VAV3: variants seen among roughly 807,000 people sequenced by gnomAD.
VAV3 encodes guanine nucleotide exchange factor VAV3.
A neutral mutation model predicts 131.2 loss-of-function variants in VAV3; 94 were observed. The ratio of observed to expected loss-of-function variants is 0.72; its 90% CI spans 0.61 to 0.85. The LOEUF (loss-of-function observed/expected upper bound fraction) is 0.85, where lower values mean the gene tolerates loss of function less well. VAV3 is among the 40% of genes least tolerant of loss of function. The pLI, the probability that VAV3 is intolerant of heterozygous loss-of-function variation, is 0.00. For synonymous variants in VAV3, 349 were observed against 342.0 expected (o/e 1.02, Z -0.22); for missense variants, 939 against 1,002.7 (o/e 0.94, Z 0.86).
chr1:107,904,069 G>T (rs937216199), intron 1 of VAV3, among the ~76,000 whole-genome samples: 2 of 151,948 alleles, frequency 1.3e-5, no homozygotes, highest in East Asian at 1.9e-4. Context: ...TCCACCTTAC[G>T]TGCTCCATCA....
At chr1:107,846,164 A>G (rs1023783209) in intron 2 of VAV3, among the ~76,000 whole-genome samples, 21 of 152,194 alleles carry the variant, frequency 1.4e-4, no homozygotes, top group Admixed American at 3.3e-4. Context: ...TAAAGAAAAG[A>G]ATTTTCAACC....
At chr1:107,905,117 T>C in intron 1 of VAV3, among the ~76,000 whole-genome samples, 1 of 152,210 alleles carries the variant, frequency 6.6e-6, no homozygotes, top group Non-Finnish European at 1.5e-5. Context: ...TGTTATAAAA[T>C]GTATACAAGT....
chr1:107,624,259 C>G (rs567371482), intron 20 of VAV3, among the ~76,000 whole-genome samples: 28 of 152,172 alleles, frequency 1.8e-4, no homozygotes, highest in African/African-American at 5.1e-4. Flanking sequence ...GGTGAGGTCC[C>G]TGTGTTTCTG....
chr1:107,811,938 C>T (rs1378180767), intron 2 of VAV3, among the ~76,000 whole-genome samples: 1 of 152,082 alleles, frequency 6.6e-6, no homozygotes, highest in Non-Finnish European at 1.5e-5. Context: ...CAAGTTGCAA[C>T]AGGCAGCCAT....
chr1:107,689,153 G>C (rs1659244030), intron 17 of VAV3, among the ~76,000 whole-genome samples: 1 of 152,080 alleles, frequency 6.6e-6, no homozygotes, highest in South Asian at 2.1e-4. Context: ...AAAACTGGTG[G>C]GCAGCATCTT....
intron 12 of VAV3, among the ~76,000 whole-genome samples, chr1:107,754,030 G>C (rs1353568170): frequency 6.6e-6 from 1 of 152,172 alleles, no homozygotes; most frequent in African/African-American, 2.4e-5. Context: ...TAGGCTCTGA[G>C]ATTACAATTG....
chr1:107,663,230 T>C (rs1255173463), intron 19 of VAV3, among the ~76,000 whole-genome samples: 2 of 152,200 alleles, frequency 1.3e-5, no homozygotes, highest in African/African-American at 4.8e-5. Context: ...TTTGCAGATA[T>C]TCAAATGGAA....
chr1:107,599,559 T>C (rs992057318), intron 24 of VAV3, among the ~76,000 whole-genome samples: 1 of 152,064 alleles, frequency 6.6e-6, no homozygotes, highest in Non-Finnish European at 1.5e-5. Context: ...ACATGAAAAT[T>C]AGAACAAAAT....
intron 1 of VAV3, among the ~76,000 whole-genome samples, chr1:107,888,574 T>A (rs1226098866): frequency 6.6e-6 from 1 of 152,178 alleles, no homozygotes; most frequent in Non-Finnish European, 1.5e-5. Context: ...TTCTCCTGCC[T>A]CAGACTCCCA....
intron 1 of VAV3, among the ~76,000 whole-genome samples, chr1:107,942,273 A>G (rs1425623180): frequency 6.6e-6 from 1 of 152,098 alleles, no homozygotes; most frequent in Non-Finnish European, 1.5e-5. Context: ...GTACCCCTCC[A>G]GGACAGATGT....
intron 1 of VAV3, among the ~76,000 whole-genome samples, chr1:107,919,410 T>A (rs1465739670): frequency 6.6e-6 from 1 of 152,230 alleles, no homozygotes. Context: ...TCTGATGGTT[T>A]ACGTTTTAGC....
chr1:107,638,475 A>C (rs1467802044), intron 20 of VAV3, among the ~76,000 whole-genome samples: 1 of 152,206 alleles, frequency 6.6e-6, no homozygotes, highest in African/African-American at 2.4e-5. Flanking sequence ...TAAATATGAC[A>C]AAAGATGTAT....
At chr1:107,948,461 A>T (rs929348144) in intron 1 of VAV3, among the ~76,000 whole-genome samples, 1 of 152,218 alleles carries the variant, frequency 6.6e-6, no homozygotes, top group Non-Finnish European at 1.5e-5. Context: ...ATATCAGAGG[A>T]CCTGGACTGC....
intron 25 of VAV3, among the ~76,000 whole-genome samples, chr1:107,592,832 G>T (rs1651074196): frequency 6.6e-6 from 1 of 152,078 alleles, no homozygotes; most frequent in South Asian, 2.1e-4. Context: ...AAATGCAAAA[G>T]TCAATTTAAT....
rs373098063 is a variant in VAV3, at chr1:107,755,416, T to C, written c.1173+11A>G. On this transcript the variant is annotated intron_variant, in intron 12 of 26. Coordinates refer to ENST00000370056, the MANE Select transcript of VAV3 (RefSeq NM_006113.5). ...GGTGAGGGGAAGCTGGATGGAAAGATAATTACATACCAAATTCTCTATAGA... is the reference window on the plus strand; with the variant it reads ...GGTGAGGGGAAGCTGGATGGAAAGACAATTACATACCAAATTCTCTATAGA... The C allele has an allele frequency of 6.3e-7, 1 of 1,589,838 alleles. No homozygotes were observed. Among genetic ancestry groups the C allele is most frequent in the South Asian group, 1.1e-5 (1 of 90,382 alleles).
At chr1:107,886,066 A>C (rs573102531) in intron 1 of VAV3, among the ~76,000 whole-genome samples, 1 of 152,232 alleles carries the variant, frequency 6.6e-6, no homozygotes, top group Non-Finnish European at 1.5e-5. Context: ...GGGGACTAGC[A>C]TATGAAAAGG....
At chr1:107,871,070 T>C (rs930330902) in intron 2 of VAV3, among the ~76,000 whole-genome samples, 1 of 152,144 alleles carries the variant, frequency 6.6e-6, no homozygotes, top group African/African-American at 2.4e-5. Context: ...AAACTGACGA[T>C]TGAAACAGTT....
rs766341608 is a variant in VAV3, at chr1:107,770,677, T to C, written c.607A>G (p.Thr203Ala). The C allele has an allele frequency of 2.5e-6, 4 of 1,612,432 alleles. No homozygotes were observed. The highest frequency in any genetic ancestry group is 3.4e-6 in the Non-Finnish European group (4 of 1,179,308). ...AAAGTTTCTGTATATTTTTCTTCTG[T>C]CTGCTTAATTTCTGCTAGACAACAA... ...RSCCLAEIKQ[T>A]EEKYTETLES... The change falls in exon 6 of 27, where the codon ACA (threonine) becomes GCA (alanine). Residue 203 changes from threonine (T) to alanine (A), a missense_variant. By Grantham distance (58) the Thr-to-Ala change is moderately conservative. Coordinates refer to ENST00000370056, the MANE Select transcript of VAV3 (RefSeq NM_006113.5).
At chr1:107,745,167 T>C (rs1663260065) in intron 15 of VAV3, among the ~76,000 whole-genome samples, 1 of 151,926 alleles carries the variant, frequency 6.6e-6, no homozygotes, top group Non-Finnish European at 1.5e-5. Context: ...TATGACTAAA[T>C]GGAATTGTGA....
Sources: allele counts gnomAD v4.1 joint callset (sites outside exome capture counted in the v4.1 genomes callset), GRCh38; gene constraint gnomAD v4.1.1; transcripts MANE v1.5; gene names NCBI Gene and HGNC (gene_info 2026-07-23, HGNC 2026-07-21).